The following ARHGAP28 variants were observed in gnomAD, a reference collection of about 807,000 sequenced individuals.
The protein encoded by ARHGAP28 is Rho GTPase activating protein 28, also known as rho GTPase-activating protein 28.
ARHGAP28 carries 56 observed loss-of-function variants against 90.7 expected under a neutral mutation model. The observed-to-expected ratio is 0.62, with a 90% CI of 0.50 to 0.77. The LOEUF is 0.77. Ranked by LOEUF, ARHGAP28 falls within the 30% of genes least tolerant of loss-of-function variation. The pLI is 0.00. For missense variants in ARHGAP28, 869 were observed against 900.9 expected, an observed-to-expected ratio of 0.96 and a Z score of 0.45; for synonymous variants, 308 against 323.3, an observed-to-expected ratio of 0.95 and a Z score of 0.51.
chr18:6,730,940 A>C (rs1252170282), intron 1 of ARHGAP28, among the ~76,000 whole-genome samples: 1 of 152,138 alleles, frequency 6.6e-6, no homozygotes, highest in African/African-American at 2.4e-5. Flanking sequence ...ATTGATTGTG[A>C]TTTTAATTGA....
intron 1 of ARHGAP28, among the ~76,000 whole-genome samples, chr18:6,796,337 T>A (rs1330416146): frequency 6.6e-6 from 1 of 152,132 alleles, no homozygotes; most frequent in East Asian, 1.9e-4. Context: ...CATTTCTACA[T>A]TACAAATCTT....
At position 6,890,426 on chromosome 18, in the gene ARHGAP28, C is replaced by T; in HGVS notation, c.1735-4C>T. On this transcript the variant is annotated splice_region_variant and splice_polypyrimidine_tract_variant and intron_variant, in intron 13 of 17. Transcript: ENST00000383472. ...ATCCAGTCCAAGCTATTTTTCTTCTCCAGGTTCCATCTTTCTTAATCACTC... is the reference window on the plus strand; with the variant it reads ...ATCCAGTCCAAGCTATTTTTCTTCTTCAGGTTCCATCTTTCTTAATCACTC... The T allele has an allele frequency of 6.3e-7, 1 of 1,586,136 alleles. No homozygotes were observed. Among genetic ancestry groups the T allele is most frequent in the Non-Finnish European group, 8.6e-7 (1 of 1,158,304 alleles).
chr18:6,863,802 G>A, intron 5 of ARHGAP28, among the ~76,000 whole-genome samples: 1 of 88,422 alleles, frequency 1.1e-5, no homozygotes, highest in South Asian at 3.3e-4. Context: ...TTTTTTTTTT[G>A]ACGGAGTTTT....
chr18:6,870,789 A>C, intron 7 of ARHGAP28, 57 bp downstream of exon 7: 2 of 1,519,150 alleles, frequency 1.3e-6, no homozygotes, highest in Non-Finnish European at 1.8e-6. Flanking sequence ...ATAGGACAAA[A>C]CTAAGATTTC....
At chr18:6,904,429 A>G (rs1693255983) in intron 16 of ARHGAP28, among the ~76,000 whole-genome samples, 1 of 152,168 alleles carries the variant, frequency 6.6e-6, no homozygotes, top group Non-Finnish European at 1.5e-5. Flanking sequence ...AAAAAATAAA[A>G]TTATGTGGGA....
At chr18:6,783,567 C>CA (rs2056343690) in intron 1 of ARHGAP28, among the ~76,000 whole-genome samples, 1 of 151,954 alleles carries the variant, frequency 6.6e-6, no homozygotes, top group Non-Finnish European at 1.5e-5. Flanking sequence ...TCCCAAAGTG[C>CA]TGGGATTACA....
intron 1 of ARHGAP28, among the ~76,000 whole-genome samples, chr18:6,742,449 C>T (rs996048722): frequency 6.6e-6 from 1 of 152,036 alleles, no homozygotes; most frequent in Non-Finnish European, 1.5e-5. Flanking sequence ...GGATTACAGC[C>T]GTGAGCCATC....
At position 6,833,319 on chromosome 18, in the gene ARHGAP28, A is replaced by G. The variant is rs372883409; in HGVS notation, c.326-3878A>G. ...TAATAATTATTTTTATTATATTACT[A>G]TCATCCAGTCCTCAGACTGCTATCG... is the stretch of plus-strand genomic sequence containing the variant. On this transcript the variant is annotated intron_variant, in intron 2 of 17. Transcript: ENST00000383472. 1.9e-4 allele frequency among the ~76,000 whole-genome samples: 29 copies of G among 152,110 alleles called. No individual in the cohort carries two copies. In the East Asian group the frequency reaches 1.9e-3, roughly 10 times the overall value.
intron 3 of ARHGAP28, among the ~76,000 whole-genome samples, chr18:6,848,292 A>G (rs1567969132): frequency 1.3e-5 from 2 of 152,068 alleles, no homozygotes; most frequent in African/African-American, 4.8e-5. Flanking sequence ...TCAATATAAT[A>G]TATTTCTAGG....
intron 1 of ARHGAP28, among the ~76,000 whole-genome samples, chr18:6,787,092 C>T (rs539157589): frequency 2.0e-4 from 31 of 151,798 alleles, no homozygotes; most frequent in African/African-American, 7.2e-4. Flanking sequence ...TGGTGGTGGA[C>T]GCATGTAATC....
intron 10 of ARHGAP28, among the ~76,000 whole-genome samples, chr18:6,880,925 G>C (rs959914325): frequency 2.0e-5 from 3 of 152,116 alleles, no homozygotes; most frequent in Non-Finnish European, 4.4e-5. Flanking sequence ...TTTCATTTTA[G>C]GGAGAACTTT....
chr18:6,879,633 G>A (rs527812816), intron 10 of ARHGAP28, among the ~76,000 whole-genome samples: 5 of 152,302 alleles, frequency 3.3e-5, no homozygotes, highest in Admixed American at 1.3e-4. Context: ...ACAGTATGAC[G>A]CGGTATTATT....
chr18:6,857,651 A>G lies in ARHGAP28; in HGVS notation c.637-2157A>G, dbSNP rs59769680. 3.8e-3 allele frequency among the ~76,000 whole-genome samples: 572 copies of G among 152,264 alleles called. 1 individual carries two copies. The highest frequency in any genetic ancestry group is 0.013 in the African/African-American group (528 of 41,542). On this transcript the variant is annotated intron_variant, in intron 4 of 17. Transcript: ENST00000383472. ...CCCAGCCCCTCCCCCAGTCCCGTCTATCAGAATCTTTTACAGCAGGAGGAT... is the reference window on the plus strand; with the variant it reads ...CCCAGCCCCTCCCCCAGTCCCGTCTGTCAGAATCTTTTACAGCAGGAGGAT...
chr18:6,839,948 CT>C (rs2056792120), intron 3 of ARHGAP28, among the ~76,000 whole-genome samples: 1 of 152,206 alleles, frequency 6.6e-6, no homozygotes, highest in Non-Finnish European at 1.5e-5. Context: ...AACTCTCCTT[CT>C]TTCCACTTTT....
intron 2 of ARHGAP28, among the ~76,000 whole-genome samples, chr18:6,831,224 A>T (rs1165628306): frequency 2.6e-5 from 4 of 152,168 alleles, no homozygotes; most frequent in African/African-American, 9.7e-5. Flanking sequence ...CTTTTCATGC[A>T]TCTTGCTTTG....
chr18:6,816,033 A>G (rs2056588381), intron 1 of ARHGAP28, among the ~76,000 whole-genome samples: 1 of 152,108 alleles, frequency 6.6e-6, no homozygotes. Context: ...GCCAACAGAG[A>G]GGTTCAGGCA....
chr18:6,858,727 C>T (rs757509299), intron 4 of ARHGAP28, among the ~76,000 whole-genome samples: 2 of 152,072 alleles, frequency 1.3e-5, no homozygotes, highest in Non-Finnish European at 2.9e-5. Context: ...GATGGGGTTT[C>T]CCTATGTTGG....
intron 1 of ARHGAP28, among the ~76,000 whole-genome samples, chr18:6,820,180 G>T (rs2056617178): frequency 6.6e-6 from 1 of 152,072 alleles, no homozygotes; most frequent in South Asian, 2.1e-4. Context: ...GGATAGATGG[G>T]CAAAAATTGA....
chr18:6,856,387 A>C (rs920900552), intron 4 of ARHGAP28, among the ~76,000 whole-genome samples: 56 of 152,210 alleles, frequency 3.7e-4, no homozygotes, highest in Non-Finnish European at 1.9e-4. Flanking sequence ...GTTTCTCAGA[A>C]GGTAAGAATT....
Sources: allele counts gnomAD v4.1 joint callset (sites outside exome capture counted in the v4.1 genomes callset), GRCh38; gene constraint gnomAD v4.1.1; transcripts MANE v1.5; gene names NCBI Gene and HGNC (gene_info 2026-07-23, HGNC 2026-07-21).